MAST2: variants seen among roughly 807,000 people sequenced by gnomAD.
MAST2 encodes microtubule associated serine/threonine kinase 2.
A neutral mutation model predicts 147.4 loss-of-function variants in MAST2; 70 were observed. The observed-to-expected ratio is 0.47, with a 90% CI of 0.39 to 0.58. MAST2 has a LOEUF of 0.58. Among genes scored for constraint, MAST2 ranks in the 20% least tolerant of loss-of-function variants. The probability of loss-of-function intolerance (pLI) is 0.00; values close to 1 mark genes in which losing one functional copy is unlikely to be tolerated. For missense variants in MAST2, 2,080 were observed against 2,302.3 expected (o/e 0.90, Z 1.98); for synonymous variants, 869 against 896.8 (o/e 0.97, Z 0.55).
At chr1:45,963,740 G>A (rs1033999649) in intron 5 of MAST2, among the ~76,000 whole-genome samples, 4 of 152,108 alleles carry the variant, frequency 2.6e-5, no homozygotes, top group African/African-American at 9.7e-5. Flanking sequence ...TTTCCTAATT[G>A]AATATCCTTT....
intron 5 of MAST2, among the ~76,000 whole-genome samples, chr1:45,981,755 G>T (rs1557999936): frequency 2.6e-5 from 4 of 151,850 alleles, no homozygotes; most frequent in Non-Finnish European, 4.4e-5. Flanking sequence ...TTCCTAGTCA[G>T]ATTTTTCTCA....
chr1:45,990,676 A>G (rs779449654), intron 5 of MAST2, among the ~76,000 whole-genome samples: 2 of 152,120 alleles, frequency 1.3e-5, no homozygotes, highest in Admixed American at 6.6e-5. Context: ...TGTAGAGACA[A>G]GATCTCCCTG....
intron 3 of MAST2, 88 bp from the exon 4 acceptor site, chr1:45,882,276 A>G: frequency 1.3e-6 from 1 of 777,460 alleles, no homozygotes; most frequent in Admixed American, 2.2e-5. Context: ...TTATTAAGAT[A>G]ATGCTGTGAA....
At position 46,034,988 on chromosome 1, in the gene MAST2, A is replaced by G; in HGVS notation, c.4319A>G (p.Glu1440Gly). Residue 1440 changes from glutamate (E) to glycine (G), a missense_variant, in exon 29 of 29, where the codon GAA becomes GGA. Physicochemically the swap from Glu to Gly is moderately conservative, Grantham distance 98. Transcript: ENST00000361297. Reference sequence around the variant, plus strand: ...CTGCCCCACTCTGAACTAAAGAAGGAACTGCCGCCCAGGGAAGTGAGCCCT... The same window carrying G: ...CTGCCCCACTCTGAACTAAAGAAGGGACTGCCGCCCAGGGAAGTGAGCCCT... ...LDLPHSELKK[E>G]LPPREVSPLE... The G allele has an allele frequency of 6.2e-7, 1 of 1,614,092 alleles. No individual in the cohort carries two copies. Among genetic ancestry groups the G allele is most frequent in the Non-Finnish European group, 8.5e-7 (1 of 1,180,030 alleles).
At chr1:46,008,429 AGCCC>A in intron 9 of MAST2, 58 bp downstream of exon 9, 2 of 1,126,088 alleles carry the variant, frequency 1.8e-6, no homozygotes, top group Non-Finnish European at 2.7e-6. Context: ...GCCTACAGCC[AGCCC>A]CAATGGGAGA....
chr1:45,881,544 A>G (rs141906203), intron 3 of MAST2, among the ~76,000 whole-genome samples: 131 of 152,324 alleles, frequency 8.6e-4, no homozygotes, highest in African/African-American at 3.1e-3. Flanking sequence ...AAAGCAAGTC[A>G]CAGGGGCCCC....
At chr1:45,905,316 C>T (rs539946463) in intron 4 of MAST2, among the ~76,000 whole-genome samples, 30 of 151,878 alleles carry the variant, frequency 2.0e-4, no homozygotes, top group South Asian at 1.0e-3. Context: ...TCCCAAGTAG[C>T]TGGGAGTACA....
Position 46,033,977 on chromosome 1 carries a change from CAT to C in MAST2, c.3674+40_3674+41del, listed in dbSNP as rs769390078. 32 of 1,611,760 alleles carry C rather than the reference CAT, an allele frequency of 2.0e-5. No homozygotes were observed. In the East Asian group the frequency reaches 5.4e-4, roughly 27 times the overall value. On this transcript the variant is annotated intron_variant, in intron 27 of 28. Transcript: ENST00000361297. ...AGTGAAGAGGGTTTTCTCTGAGCCA[CAT>C]GAGTGCTGGTACGTGGTGGGTGCCT...
chr1:45,902,792 G>T (rs1198916128), intron 4 of MAST2, among the ~76,000 whole-genome samples: 2 of 152,068 alleles, frequency 1.3e-5, no homozygotes, highest in Non-Finnish European at 2.9e-5. Flanking sequence ...AGTAGTCTCT[G>T]AGGAGCTTTT....
intron 10 of MAST2, among the ~76,000 whole-genome samples, chr1:46,013,452 A>T (rs1383419232): frequency 6.6e-6 from 1 of 152,142 alleles, no homozygotes. Flanking sequence ...AGGCTGAGGC[A>T]GGCAGATCAC....
At chr1:45,982,089 T>C (rs908869425) in intron 5 of MAST2, among the ~76,000 whole-genome samples, 1 of 152,160 alleles carries the variant, frequency 6.6e-6, no homozygotes, top group African/African-American at 2.4e-5. Context: ...CCTCAGGCAA[T>C]CTGCCTGCCT....
In MAST2 at chr1:46,029,535, T is replaced by C. The variant is rs777314520; in HGVS notation, c.2288T>C (p.Leu763Pro). ...PDAQDLTSKL[L>P]HQNPLERLGT... ...GCCCAGGACCTCACCTCCAAACTGC[T>C]CCACCAGAACCCTCTGGAGAGACTT... The change falls in exon 19 of 29, where the codon CTC becomes CCC. Residue 763 changes from leucine to proline, a missense_variant. By Grantham distance (98) the Leu-to-Pro change is moderately conservative. This residue lies in a region of MAST2 where 209 missense variants were observed against 309.5 expected (regional missense o/e 0.68). Coordinates refer to ENST00000361297, the MANE Select transcript of MAST2 (RefSeq NM_015112.3). 3 of 1,614,030 alleles carry C rather than the reference T, an allele frequency of 1.9e-6. No individual in the cohort carries two copies. In the South Asian group the frequency reaches 3.3e-5, roughly 18 times the overall value.
intron 4 of MAST2, among the ~76,000 whole-genome samples, chr1:45,905,378 G>A (rs28636523): frequency 0.29 from 43,390 of 151,644 alleles, 6,331 homozygotes; most frequent in South Asian, 0.39. Context: ...GTAGAGACTG[G>A]ATTTCACCAT....
At chr1:45,894,005 A>T (rs1243631923) in intron 4 of MAST2, among the ~76,000 whole-genome samples, 2 of 152,094 alleles carry the variant, frequency 1.3e-5, no homozygotes, top group East Asian at 3.8e-4. Flanking sequence ...GCTTGAGCTC[A>T]GGAGTTTGAG....
At chr1:45,969,590 A>T (rs1457936672) in intron 5 of MAST2, among the ~76,000 whole-genome samples, 1 of 151,956 alleles carries the variant, frequency 6.6e-6, no homozygotes, top group African/African-American at 2.4e-5. Context: ...TCTAGGTTGC[A>T]CACTTCTTAT....
chr1:45,809,340 A>G (rs1397381724), intron 1 of MAST2, among the ~76,000 whole-genome samples: 2 of 152,206 alleles, frequency 1.3e-5, no homozygotes, highest in East Asian at 1.9e-4. Context: ...GCCTAACTCA[A>G]ATGCCACAGA....
Position 46,035,688 on chromosome 1 carries a change from G to A in MAST2, c.5019G>A (p.Lys1673=), listed in dbSNP as rs753757973. ...EGPDRASPSR[K]ATMAGGLANL... is the part of the protein sequence containing the mutation. ...CAGACAGGGCATCCCCAAGCAGAAA[G>A]GCAACCATGGCAGGTGGGCTAGCCA... Residue 1673 remains lysine, a synonymous_variant, in exon 29 of 29, where the codon AAG becomes AAA. Transcript: ENST00000361297. The surrounding 1 kb of genome is among the most constrained non-coding windows in gnomAD (Gnocchi z 5.5). The A allele has an allele frequency of 4.3e-6, 7 of 1,613,814 alleles. No individual in the cohort carries two copies. The African/African-American group carries it at 8.0e-5, about 18-fold the overall frequency.
At chr1:45,867,791 G>C (rs1646218479) in intron 3 of MAST2, among the ~76,000 whole-genome samples, 1 of 152,188 alleles carries the variant, frequency 6.6e-6, no homozygotes, top group Admixed American at 6.5e-5. Flanking sequence ...AGGGTACTCT[G>C]AACTACAAGT....
intron 3 of MAST2, among the ~76,000 whole-genome samples, chr1:45,831,703 C>T (rs189086777): frequency 2.6e-4 from 39 of 152,052 alleles, no homozygotes; most frequent in African/African-American, 8.9e-4. Context: ...GATACCTCAT[C>T]CTTAAGTATT....
Sources: allele counts gnomAD v4.1 joint callset (sites outside exome capture counted in the v4.1 genomes callset), GRCh38; gene constraint gnomAD v4.1.1; regional missense constraint gnomAD v4.1.1; non-coding constraint Gnocchi (gnomAD v3.1); transcripts MANE v1.5; gene names NCBI Gene and HGNC (gene_info 2026-07-23, HGNC 2026-07-21).